Variants in UNC80 observed in about 807,000 individuals in gnomAD.
The protein encoded by UNC80 is protein unc-80 homolog.
A neutral mutation model predicts 384.6 loss-of-function variants in UNC80; 164 were observed. That is an observed-to-expected ratio of 0.43 (90% CI 0.38 to 0.49). UNC80 has a LOEUF of 0.49. UNC80 is among the 20% of genes least tolerant of loss of function. The pLI is 0.00. For synonymous variants in UNC80, 1,486 were observed against 1,527.8 expected (o/e 0.97, Z 0.64); for missense variants, 3,330 against 4,143.0 (o/e 0.80, Z 5.39).
At chr2:209,837,695 G>A (rs1050007290) in intron 18 of UNC80, among the ~76,000 whole-genome samples, 1 of 151,614 alleles carries the variant, frequency 6.6e-6, no homozygotes, top group Non-Finnish European at 1.5e-5. Context: ...CCGTGGTGTT[G>A]AACATTTAGA....
intron 37 of UNC80, among the ~76,000 whole-genome samples, 165 bp from the exon 38 acceptor site, chr2:209,930,803 A>G (rs1371731364): frequency 6.6e-6 from 1 of 152,214 alleles, no homozygotes; most frequent in Admixed American, 6.5e-5. Flanking sequence ...ATACTACTTA[A>G]CAAGTATCAC....
At chr2:209,879,049 T>C (rs76725884) in intron 24 of UNC80, among the ~76,000 whole-genome samples, 1 of 152,050 alleles carries the variant, frequency 6.6e-6, no homozygotes, top group African/African-American at 2.4e-5. Flanking sequence ...TTTTTTTTTT[T>C]GCATTTTTAA....
intron 5 of UNC80, among the ~76,000 whole-genome samples, chr2:209,788,582 TA>T (rs1173164160): frequency 6.8e-5 from 10 of 147,408 alleles, no homozygotes; most frequent in African/African-American, 1.7e-4. Context: ...GTATAAAATA[TA>T]AAAAATATAC....
At chr2:209,944,430 G>A (rs2091813273) in intron 45 of UNC80, among the ~76,000 whole-genome samples, 2 of 152,012 alleles carry the variant, frequency 1.3e-5, no homozygotes, top group Non-Finnish European at 2.9e-5. Context: ...CAAGACCTTT[G>A]TATGCTTTTG....
chr2:209,790,517 T>C (rs935315070), intron 6 of UNC80, among the ~76,000 whole-genome samples: 2 of 152,210 alleles, frequency 1.3e-5, no homozygotes, highest in Non-Finnish European at 2.9e-5. Flanking sequence ...CTTTGGCCCC[T>C]TATGATCTCC....
chr2:209,864,678 T>C (rs538116999), intron 22 of UNC80, among the ~76,000 whole-genome samples: 2 of 152,320 alleles, frequency 1.3e-5, no homozygotes, highest in African/African-American at 4.8e-5. Flanking sequence ...TGTGGGGGAC[T>C]TGTCTTGGGA....
chr2:209,793,656 A>G (rs927277883), intron 6 of UNC80, 64 bp from the exon 7 acceptor site: 1 of 1,567,206 alleles, frequency 6.4e-7, no homozygotes, highest in Non-Finnish European at 8.7e-7. Flanking sequence ...TCTAGATGAT[A>G]TAGCTACAGG....
Position 209,954,228 on chromosome 2 carries a change from C to T in UNC80, c.7415C>T (p.Thr2472Met), listed in dbSNP as rs753979355. The T allele has an allele frequency of 3.9e-6, 6 of 1,550,934 alleles. No homozygotes were observed. The highest frequency in any genetic ancestry group is 2.4e-5 in the South Asian group (2 of 84,010). The change falls in exon 48 of 65, where the codon ACG (threonine) becomes ATG (methionine). Residue 2472 changes from threonine (T) to methionine (M), a missense_variant. Transcript: ENST00000673920. ...EEIAATAALA[T>M]SLQALLYSVE... ...ATTGCGGCCACTGCTGCTCTTGCGA[C>T]GTCCCTACAGGCCCTTTTGTACAGT... is the stretch of plus-strand genomic sequence containing the variant.
At chr2:209,843,168 G>A (rs1220031816) in intron 21 of UNC80, among the ~76,000 whole-genome samples, 2 of 152,128 alleles carry the variant, frequency 1.3e-5, no homozygotes, top group Admixed American at 6.5e-5. Flanking sequence ...ATTTTAGTTA[G>A]ATGATATGCT....
In UNC80 at chr2:209,959,502, T is replaced by C; in HGVS notation, c.7600T>C (p.Leu2534=). Residue 2534 remains leucine (L), a synonymous_variant, in exon 51 of 65, where the codon TTA becomes CTA. Coordinates refer to ENST00000673920, the MANE Select transcript of UNC80 (RefSeq NM_001371986.1). ...ACAATTTCCCAGGGAAAACCTTCAT[T>C]TACTGGAGGAAGGGCAAGGCATTCC... ...KLHFIRENLH[L]LEEGQGIPRE... 1 of 1,551,666 alleles carries C rather than the reference T, an allele frequency of 6.4e-7. No homozygotes were observed. The highest frequency in any genetic ancestry group is 1.2e-5 in the South Asian group (1 of 84,046).
intron 26 of UNC80, among the ~76,000 whole-genome samples, chr2:209,892,705 G>A (rs1478254313): frequency 6.6e-6 from 1 of 152,168 alleles, no homozygotes; most frequent in Non-Finnish European, 1.5e-5. Flanking sequence ...ACTTAGACAT[G>A]AAATTGCACT....
chr2:209,884,054 G>A (rs1376118602), intron 25 of UNC80, among the ~76,000 whole-genome samples: 4 of 152,038 alleles, frequency 2.6e-5, no homozygotes, highest in African/African-American at 9.7e-5. Context: ...GTAGCATTTT[G>A]TAAACCGTGC....
intron 36 of UNC80, among the ~76,000 whole-genome samples, chr2:209,928,156 C>T (rs1445321300): frequency 6.6e-6 from 1 of 151,738 alleles, no homozygotes; most frequent in African/African-American, 2.4e-5. Flanking sequence ...GCCAACGTGG[C>T]GAAACCCTGT....
chr2:209,930,110 GATA>G (rs1405074415), intron 37 of UNC80, 139 bp downstream of exon 37: 1 of 436,008 alleles, frequency 2.3e-6, no homozygotes, highest in Non-Finnish European at 4.0e-6. Context: ...TTTAAATAAT[GATA>G]ATGATGAGCA....
At chr2:209,923,301 CAATTT>C (rs2090179568) in intron 35 of UNC80, among the ~76,000 whole-genome samples, 1 of 152,074 alleles carries the variant, frequency 6.6e-6, no homozygotes, top group African/African-American at 2.4e-5. Flanking sequence ...TCCAAGGTCA[CAATTT>C]GTCTAATCCA....
At chr2:209,782,201 T>G (rs1479277251) in intron 4 of UNC80, among the ~76,000 whole-genome samples, 1 of 152,168 alleles carries the variant, frequency 6.6e-6, no homozygotes. Context: ...TTAAAATAAT[T>G]TGTTAATTTC....
chr2:209,834,866 T>C (rs979971298), intron 17 of UNC80, 46 bp from the exon 18 acceptor site: 2 of 1,465,986 alleles, frequency 1.4e-6, no homozygotes, highest in African/African-American at 1.4e-5. Flanking sequence ...TATTAAGACT[T>C]GCTATCCTGC....
At chr2:209,808,641 G>C (rs747970702) in intron 7 of UNC80, among the ~76,000 whole-genome samples, 26 of 152,134 alleles carry the variant, frequency 1.7e-4, no homozygotes, top group Non-Finnish European at 4.4e-5. Flanking sequence ...CAATTGGCGC[G>C]AAAGTGATAA....
At chr2:209,815,057 C>A (rs1284886501) in intron 8 of UNC80, among the ~76,000 whole-genome samples, 200 bp from the exon 9 acceptor site, 1 of 152,008 alleles carries the variant, frequency 6.6e-6, no homozygotes, top group African/African-American at 2.4e-5. Context: ...CTACTGAAAA[C>A]TTCAAACAGA....
Sources: allele counts gnomAD v4.1 joint callset (sites outside exome capture counted in the v4.1 genomes callset), GRCh38; gene constraint gnomAD v4.1.1; transcripts MANE v1.5; gene names NCBI Gene and HGNC (gene_info 2026-07-23, HGNC 2026-07-21).